The following TRANK1 variants were observed in gnomAD, a reference collection of about 807,000 sequenced individuals.
TRANK1 encodes TPR and ankyrin repeat-containing protein 1.
In TRANK1, 198 loss-of-function variants were observed where a neutral mutation model predicts 266.0. The ratio of observed to expected loss-of-function variants is 0.74; its 90% CI spans 0.66 to 0.84. The LOEUF is 0.84. Among genes scored for constraint, TRANK1 ranks in the 40% least tolerant of loss-of-function variants. The pLI, the probability that TRANK1 is intolerant of heterozygous loss-of-function variation, is 0.00. For synonymous variants in TRANK1, 1,396 were observed against 1,384.1 expected, an observed-to-expected ratio of 1.01 and a Z score of -0.19; for missense variants, 3,326 against 3,634.6, an observed-to-expected ratio of 0.92 and a Z score of 2.18.
At chr3:36,834,689 C>G in intron 21 of TRANK1, 73 bp downstream of exon 21, 1 of 1,528,552 alleles carries the variant, frequency 6.5e-7, no homozygotes, top group Non-Finnish European at 8.8e-7. Flanking sequence ...AGGATAGCAC[C>G]ACCCAGAGCA....
At position 36,838,671 on chromosome 3, in the gene TRANK1, T is replaced by A. The variant is rs781066946; in HGVS notation, c.5326A>T (p.Lys1776Ter). ...YQKGGAFEKE[K>*]LALAHDTALS... ...GCAGTGTCATGGGCCAGGGCCAACTTCTCCTTCTCAAATGCACCTCCTTTC... is the reference window on the plus strand; with the variant it reads ...GCAGTGTCATGGGCCAGGGCCAACTACTCCTTCTCAAATGCACCTCCTTTC... The change falls in exon 19 of 24, where the codon AAG becomes TAG. Residue 1776 changes from lysine (K) to a stop codon, truncating the protein, a stop_gained. Coordinates refer to ENST00000645898, the MANE Select transcript of TRANK1 (RefSeq NM_001329998.2). LOFTEE classifies it high-confidence loss of function. 4 of 1,613,856 alleles carry A rather than the reference T, an allele frequency of 2.5e-6. No individual in the cohort carries two copies. The highest frequency in any genetic ancestry group is 1.7e-5 in the Admixed American group (1 of 60,026).
At position 36,930,307 on chromosome 3, in the gene TRANK1, G is replaced by C. The variant is rs567404799; in HGVS notation, c.23+14480C>G. On this transcript the variant is annotated intron_variant, in intron 1 of 23. Coordinates refer to ENST00000645898, the MANE Select transcript of TRANK1 (RefSeq NM_001329998.2). ...GCTCCCAGCTGACGGTAAGAAAATG[G>C]GGACCTGAGTCTTACACCTACCAGG... 2.0e-4 allele frequency among the ~76,000 whole-genome samples: 30 copies of C among 152,264 alleles called. 1 individual carries two copies. The South Asian group carries it at 3.9e-3, about 20-fold the overall frequency.
chr3:36,886,030 T>C lies in TRANK1; in HGVS notation c.907+3799A>G, dbSNP rs149347106. 2.4e-3 allele frequency among the ~76,000 whole-genome samples: 366 copies of C among 151,832 alleles called. 3 individuals carry two copies. Among genetic ancestry groups the C allele is most frequent in the African/African-American group, 8.5e-3 (352 of 41,404 alleles). ...AGAAAGCAGAAGAAGAAGGAGCCTGTGAGAGTTGAGAAGCCTCATTCGTTG... is the reference window on the plus strand; with the variant it reads ...AGAAAGCAGAAGAAGAAGGAGCCTGCGAGAGTTGAGAAGCCTCATTCGTTG... On this transcript the variant is annotated intron_variant, in intron 8 of 23. Transcript: ENST00000645898.
chr3:36,901,098 GTTGTT>G lies in TRANK1; in HGVS notation c.283-1844_283-1840del, dbSNP rs761457673. On this transcript the variant is annotated intron_variant, in intron 3 of 23. Coordinates refer to ENST00000645898, the MANE Select transcript of TRANK1 (RefSeq NM_001329998.2). Reference sequence around the variant, plus strand: ...TTTCTTTGCCTTCCTCAGATTCAAGGTTGTTTTTTTTTTTTTTTTTGAGGAAGATG... The same window carrying G: ...TTTCTTTGCCTTCCTCAGATTCAAGGTTTTTTTTTTTTTTTGAGGAAGATG... Among the ~76,000 whole-genome samples the G allele has an allele frequency of 3.5e-3, 339 of 96,024 alleles. 2 individuals are homozygous for G. Among genetic ancestry groups the G allele is most frequent in the African/African-American group, 0.012 (308 of 25,190 alleles). The allele number at this position is 96,024 out of a possible 152,430, so 63.0% of individuals were successfully genotyped here.
chr3:36,911,961 C>A (rs1226100321), intron 1 of TRANK1, among the ~76,000 whole-genome samples: 3 of 152,130 alleles, frequency 2.0e-5, no homozygotes, highest in Non-Finnish European at 4.4e-5. Context: ...CCGAAGCAGG[C>A]AGATTAGCTG....
intron 8 of TRANK1, among the ~76,000 whole-genome samples, chr3:36,885,760 G>C (rs992976167): frequency 2.0e-5 from 3 of 150,790 alleles, no homozygotes; most frequent in African/African-American, 7.3e-5. Context: ...GGCTGGTCTC[G>C]AACTCCTGGG....
intron 1 of TRANK1, among the ~76,000 whole-genome samples, chr3:36,930,295 G>T (rs9870219): frequency 6.6e-6 from 1 of 152,070 alleles, no homozygotes; most frequent in African/African-American, 2.4e-5. Flanking sequence ...CCCAGCTGAC[G>T]GTAAGAAAAT....
rs771678772 is a variant in TRANK1, at chr3:36,834,754, C to A, written c.5663+8G>T. ...AGAGGGAGAAAGGGAGAGAATAAAACCACCTACTTTTCCACTGCAATAGCA... is the reference window on the plus strand; with the variant it reads ...AGAGGGAGAAAGGGAGAGAATAAAAACACCTACTTTTCCACTGCAATAGCA... On this transcript the variant is annotated splice_region_variant and intron_variant, in intron 21 of 23. Coordinates refer to ENST00000645898, the MANE Select transcript of TRANK1 (RefSeq NM_001329998.2). The A allele has an allele frequency of 1.2e-6, 2 of 1,608,788 alleles. No homozygotes were observed. The highest frequency in any genetic ancestry group is 1.7e-6 in the Non-Finnish European group (2 of 1,178,182).
Position 36,851,784 on chromosome 3 carries a change from T to C in TRANK1, c.4822A>G (p.Ile1608Val), listed in dbSNP as rs928493876. 4.3e-6 allele frequency: 7 copies of C among 1,612,888 alleles called. No homozygotes were observed. In the South Asian group the frequency reaches 7.7e-5, roughly 18 times the overall value. Residue 1608 changes from isoleucine (I) to valine (V), a missense_variant, in exon 15 of 24, where the codon ATT becomes GTT. Ile to Val is a conservative substitution (Grantham distance 29). Transcript: ENST00000645898. ...AATTCTAAGCCTTTTGCTTCATAAA[T>C]TGTTAGCACAAGTGCTAACCCCAGC... Reference protein sequence around the residue: ...EELGLALVLTIYEAKGLEFDD... With the variant: ...EELGLALVLTVYEAKGLEFDD...
At chr3:36,842,294 T>C (rs1036205837) in intron 18 of TRANK1, among the ~76,000 whole-genome samples, 1 of 152,252 alleles carries the variant, frequency 6.6e-6, no homozygotes, top group Non-Finnish European at 1.5e-5. Context: ...TGCAGTATGA[T>C]GATAGCAAAG....
chr3:36,831,609 G>T lies in TRANK1; in HGVS notation c.7974C>A (p.Ser2658=). The part of the protein sequence containing the change: ...WRWDPVHTKG[S]IVRGLYYEEV... The stretch of plus-strand genomic sequence containing the variant: ...CCTCATAATAGAGGCCACGGACTAT[G>T]GACCCTTTGGTGTGCACAGGGTCCC... Residue 2658 remains serine, a synonymous_variant, in exon 22 of 24, where the codon TCC becomes TCA. Coordinates refer to ENST00000645898, the MANE Select transcript of TRANK1 (RefSeq NM_001329998.2). This position sits in a 1 kb window ranked among gnomAD's most constrained non-coding sequence, Gnocchi z 5.0. 6.2e-7 allele frequency: 1 copy of T among 1,613,886 alleles called. No homozygotes were observed. The highest frequency in any genetic ancestry group is 2.2e-5 in the East Asian group (1 of 44,872).
rs2079839638 is a variant in TRANK1, at chr3:36,899,219, T to G, written c.323A>C (p.Gln108Pro). 1.3e-6 allele frequency: 2 copies of G among 1,537,278 alleles called. No homozygotes were observed. The highest frequency in any genetic ancestry group is 1.7e-6 in the Non-Finnish European group (2 of 1,146,930). ...RAGYSLLRLH[Q>P]PYEAARMFFE... Reference sequence around the variant, plus strand: ...AAACATGCGAGCGGCTTCGTAAGGCTGGTGCAACCTCAGCAAGGAATAACC... The same window carrying G: ...AAACATGCGAGCGGCTTCGTAAGGCGGGTGCAACCTCAGCAAGGAATAACC... The change falls in exon 4 of 24, where the codon CAG becomes CCG. Residue 108 changes from glutamine to proline, a missense_variant. Transcript: ENST00000645898.
Position 36,879,583 on chromosome 3 carries a change from A to AATATAT in TRANK1, c.908-5288_908-5287insATATAT, listed in dbSNP as rs1420803573. 3.1e-3 allele frequency among the ~76,000 whole-genome samples: 207 copies of AATATAT among 66,432 alleles called. 56 individuals carry two copies. Among genetic ancestry groups the AATATAT allele is most frequent in the Middle Eastern group, 0.015 (2 of 132 alleles). 43.6% of individuals were successfully genotyped at this position (66,432 alleles called of 152,430 possible). A position where few individuals can be genotyped will look rare whatever the true frequency, so the allele number is the denominator to read the frequency against. On this transcript the variant is annotated intron_variant, in intron 8 of 23. Coordinates refer to ENST00000645898, the MANE Select transcript of TRANK1 (RefSeq NM_001329998.2). ...ATATATAAATATATAAATATATATA[A>AATATAT]ATATACAAATATATAAATATATATA...
At chr3:36,905,253 T>C (rs1389139166) in intron 2 of TRANK1, among the ~76,000 whole-genome samples, 1 of 147,788 alleles carries the variant, frequency 6.8e-6, no homozygotes, top group Non-Finnish European at 1.5e-5. Flanking sequence ...ATCGTGCCGT[T>C]GCACTCTAGC....
chr3:36,893,268 G>A (rs1394692250), intron 5 of TRANK1, among the ~76,000 whole-genome samples: 1 of 146,450 alleles, frequency 6.8e-6, no homozygotes, highest in Non-Finnish European at 1.5e-5. Flanking sequence ...TCACAGCATA[G>A]TTGCAATGAG....
intron 13 of TRANK1, 108 bp downstream of exon 13, chr3:36,855,065 C>T (rs1321668312): frequency 2.0e-6 from 2 of 1,015,848 alleles, no homozygotes; most frequent in Non-Finnish European, 2.9e-6. Flanking sequence ...AAAATACTAC[C>T]CTTACTTCAG....
intron 3 of TRANK1, 113 bp downstream of exon 3, chr3:36,903,036 C>G (rs1368795427): frequency 1.0e-5 from 14 of 1,346,646 alleles, no homozygotes; most frequent in Non-Finnish European, 1.3e-5. Flanking sequence ...GAGGCAGCAG[C>G]TGCCACCCCC....
At chr3:36,912,701 T>C (rs563967090) in intron 1 of TRANK1, among the ~76,000 whole-genome samples, 2 of 152,276 alleles carry the variant, frequency 1.3e-5, no homozygotes, top group South Asian at 4.1e-4. Context: ...TTATGACTCA[T>C]TGTGTATACG....
chr3:36,905,350 A>T (rs2079949939), intron 2 of TRANK1, among the ~76,000 whole-genome samples: 1 of 152,108 alleles, frequency 6.6e-6, no homozygotes, highest in Non-Finnish European at 1.5e-5. Context: ...CAATATTTGA[A>T]CATGGAACCA....
Sources: gnomAD v4.1 joint callset for allele counts (sites outside exome capture counted in the v4.1 genomes callset) on GRCh38, gnomAD v4.1.1 for gene constraint, Gnocchi (gnomAD v3.1) non-coding constraint, MANE v1.5 for transcripts, NCBI Gene and HGNC (gene_info 2026-07-23, HGNC 2026-07-21) for gene names.